KIAA2012: variants seen among roughly 807,000 people sequenced by gnomAD.
KIAA2012 encodes the protein uncharacterized protein KIAA2012.
A neutral mutation model predicts 150.6 loss-of-function variants in KIAA2012; 125 were observed. That is an observed-to-expected ratio of 0.83 (90% CI 0.72 to 0.96). The LOEUF (loss-of-function observed/expected upper bound fraction) is 0.96, where lower values mean the gene tolerates loss of function less well. Among genes scored for constraint, KIAA2012 ranks in the 40% least tolerant of loss-of-function variants. The pLI is 0.00. For synonymous variants in KIAA2012, 462 were observed against 504.7 expected, an observed-to-expected ratio of 0.92 and a Z score of 1.13; for missense variants, 1,219 against 1,354.9, an observed-to-expected ratio of 0.90 and a Z score of 1.57.
At chr2:202,113,660 G>A (rs2105929910) in intron 11 of KIAA2012, 1 of 537,656 alleles carries the variant, frequency 1.9e-6, no homozygotes, top group Non-Finnish European at 3.3e-6. Context: ...TGGAGCATTT[G>A]GAGAGAGAAG....
intron 8 of KIAA2012, among the ~76,000 whole-genome samples, chr2:202,103,911 G>T (rs531505699): frequency 6.6e-6 from 1 of 152,294 alleles, no homozygotes; most frequent in African/African-American, 2.4e-5. Flanking sequence ...TTGCTCCAGG[G>T]ACTTCTCTGG....
intron 11 of KIAA2012, among the ~76,000 whole-genome samples, chr2:202,123,441 G>A (rs755751569): frequency 3.9e-5 from 6 of 152,002 alleles, no homozygotes; most frequent in East Asian, 3.9e-4. Context: ...TTCTTGAACC[G>A]TAGGGTCAAC....
intron 15 of KIAA2012, among the ~76,000 whole-genome samples, chr2:202,170,740 C>A (rs1238330962): frequency 6.6e-6 from 1 of 152,150 alleles, no homozygotes; most frequent in Non-Finnish European, 1.5e-5. Context: ...TAATGGCTGA[C>A]ATGAAGGAAG....
intron 2 of KIAA2012, among the ~76,000 whole-genome samples, chr2:202,087,377 G>A (rs1194093013): frequency 6.6e-6 from 1 of 151,976 alleles, no homozygotes; most frequent in African/African-American, 2.4e-5. Context: ...GCCAGGCATT[G>A]TGGCACATGC....
chr2:202,153,953 A>T (rs1691476224), intron 13 of KIAA2012, among the ~76,000 whole-genome samples: 1 of 152,186 alleles, frequency 6.6e-6, no homozygotes, highest in Non-Finnish European at 1.5e-5. Context: ...ATGGTCCAGT[A>T]TGCATCTTCG....
rs1559209001 is a variant in KIAA2012, at chr2:202,113,596, C to T, written c.1762+150C>T. The T allele has an allele frequency of 6.7e-6, 4 of 600,448 alleles. No homozygotes were observed. In the African/African-American group the frequency reaches 7.4e-5, roughly 11 times the overall value. 37.2% of individuals were successfully genotyped at this position (600,448 alleles called of 1,614,324 possible). A position where few individuals can be genotyped will look rare whatever the true frequency, so the allele number is the denominator to read the frequency against. ...CTCCCCTTTCACCGACACAGAGGTG[C>T]TTCTGTAGCTCAGAGACAATGATCC... On this transcript the variant is annotated intron_variant, in intron 11 of 23. Transcript: ENST00000498697.
intron 2 of KIAA2012, among the ~76,000 whole-genome samples, chr2:202,080,588 C>T (rs763872058): frequency 2.7e-5 from 4 of 150,778 alleles, no homozygotes; most frequent in Non-Finnish European, 4.4e-5. Context: ...CCCTGCTACT[C>T]GGGAGGCTAA....
intron 12 of KIAA2012, 61 bp downstream of exon 12, chr2:202,125,343 T>C: frequency 1.6e-6 from 2 of 1,288,782 alleles, no homozygotes; most frequent in Non-Finnish European, 2.2e-6. Context: ...CATGATCATA[T>C]TATTTCATAT....
intron 15 of KIAA2012, among the ~76,000 whole-genome samples, chr2:202,166,677 A>C (rs569193372): frequency 1.3e-5 from 2 of 152,036 alleles, no homozygotes; most frequent in South Asian, 4.2e-4. Flanking sequence ...CAAAAACAAA[A>C]AAAAAAAGGA....
intron 12 of KIAA2012, chr2:202,125,935 C>CTTTTTTTTTTTTTTTTTTTTTTTTT (rs571686717): frequency 7.9e-6 from 1 of 126,960 alleles, no homozygotes. Context: ...TTCCTGGCTG[C>CTTTTTTTTTTTTTTTTTTTTTTTTT]TTTTTTTTTT....
intron 9 of KIAA2012, among the ~76,000 whole-genome samples, chr2:202,107,243 A>T (rs375980736): frequency 3.2e-5 from 1 of 31,118 alleles, no homozygotes; most frequent in East Asian, 3.5e-4. Context: ...CAAAAAAAAA[A>T]TAAAAAAAGA....
At chr2:202,179,921 G>A in intron 15 of KIAA2012, 1 of 782,702 alleles carries the variant, frequency 1.3e-6, no homozygotes, top group Non-Finnish European at 2.1e-6. Context: ...CATAGAAGTT[G>A]GAATCTTCAA....
chr2:202,143,211 A>G (rs1007730788), intron 13 of KIAA2012, among the ~76,000 whole-genome samples: 1 of 151,550 alleles, frequency 6.6e-6, no homozygotes, highest in Non-Finnish European at 1.5e-5. Flanking sequence ...CAGCCTCCCA[A>G]GTAACTGGAA....
chr2:202,152,764 AAAG>A (rs1425336562), intron 13 of KIAA2012, among the ~76,000 whole-genome samples: 1 of 152,212 alleles, frequency 6.6e-6, no homozygotes, highest in African/African-American at 2.4e-5. Context: ...TTTCAAAGCA[AAAG>A]AAAAGGGTGT....
chr2:202,083,266 A>C (rs758183936), intron 2 of KIAA2012, among the ~76,000 whole-genome samples: 50 of 152,230 alleles, frequency 3.3e-4, no homozygotes, highest in Non-Finnish European at 5.9e-5. Context: ...ACCTGCAGAG[A>C]AAGGGCTGGC....
At chr2:202,143,593 A>G (rs1018622934) in intron 13 of KIAA2012, among the ~76,000 whole-genome samples, 5 of 142,476 alleles carry the variant, frequency 3.5e-5, no homozygotes, top group African/African-American at 1.3e-4. Flanking sequence ...TCTAAATTCT[A>G]CCTATAAGGA....
At chr2:202,181,208 G>C (rs562735287) in intron 15 of KIAA2012, among the ~76,000 whole-genome samples, 1 of 152,092 alleles carries the variant, frequency 6.6e-6, no homozygotes, top group Non-Finnish European at 1.5e-5. Context: ...GTGCTCAAGC[G>C]ATCTGCCTGC....
intron 5 of KIAA2012, among the ~76,000 whole-genome samples, chr2:202,098,064 T>C (rs1000847991): frequency 6.6e-6 from 1 of 152,228 alleles, no homozygotes; most frequent in Admixed American, 6.5e-5. Context: ...AGATGCTCCA[T>C]TTAACAAAGT....
intron 3 of KIAA2012, among the ~76,000 whole-genome samples, chr2:202,092,401 C>G (rs1047941653): frequency 2.0e-5 from 3 of 152,162 alleles, no homozygotes; most frequent in African/African-American, 7.2e-5. Flanking sequence ...TCCTCCCCAC[C>G]CTTCAAGCTC....
Sources: gnomAD v4.1 joint callset for allele counts (sites outside exome capture counted in the v4.1 genomes callset) on GRCh38, gnomAD v4.1.1 for gene constraint, MANE v1.5 for transcripts, NCBI Gene and HGNC (gene_info 2026-07-23, HGNC 2026-07-21) for gene names.